Variants in FSIP1 observed in about 807,000 individuals in gnomAD.
The protein encoded by FSIP1 is fibrous sheath interacting protein 1, also known as fibrous sheath-interacting protein 1.
FSIP1 carries 65 observed loss-of-function variants against 60.9 expected under a neutral mutation model. That is an observed-to-expected ratio of 1.07 (90% CI 0.87 to 1.31). The LOEUF (loss-of-function observed/expected upper bound fraction) is 1.31, where lower values mean the gene tolerates loss of function less well. Among genes scored for constraint, FSIP1 ranks in the 40% most tolerant of loss-of-function variants. The pLI, the probability that FSIP1 is intolerant of heterozygous loss-of-function variation, is 0.00. For synonymous variants in FSIP1, 209 were observed against 221.2 expected (o/e 0.94, Z 0.49); for missense variants, 675 against 665.5 (o/e 1.01, Z -0.16).
chr15:39,766,023 A>C (rs1897673402), intron 3 of FSIP1, among the ~76,000 whole-genome samples: 2 of 152,212 alleles, frequency 1.3e-5, no homozygotes, highest in African/African-American at 4.8e-5. Flanking sequence ...TGGACTCAGA[A>C]GTGATCCTCG....
At chr15:39,707,138 T>G (rs940022474) in intron 10 of FSIP1, among the ~76,000 whole-genome samples, 6 of 151,818 alleles carry the variant, frequency 4.0e-5, no homozygotes, top group African/African-American at 1.5e-4. Flanking sequence ...TCACCCAACC[T>G]CTCCTCACCC....
intron 1 of FSIP1, among the ~76,000 whole-genome samples, chr15:39,780,110 T>C (rs2576929): frequency 0.57 from 87,272 of 152,060 alleles, 25,611 homozygotes; most frequent in African/African-American, 0.68. Flanking sequence ...AATAGAGACT[T>C]GCAGGTCTCA....
At chr15:39,631,770 T>C (rs1891899827) in intron 10 of FSIP1, among the ~76,000 whole-genome samples, 1 of 152,242 alleles carries the variant, frequency 6.6e-6, no homozygotes, top group Non-Finnish European at 1.5e-5. Context: ...TATAGAAACC[T>C]ATTCAAGTAC....
chr15:39,666,498 A>AT, intron 10 of FSIP1, among the ~76,000 whole-genome samples: 1 of 152,326 alleles, frequency 6.6e-6, no homozygotes. Flanking sequence ...AATTGTTTAA[A>AT]TTTTTTCATA....
At chr15:39,720,794 G>A (rs186438060) in intron 9 of FSIP1, among the ~76,000 whole-genome samples, 9 of 152,314 alleles carry the variant, frequency 5.9e-5, no homozygotes, top group Admixed American at 5.2e-4. Flanking sequence ...GATTTGTTGA[G>A]GGTTAGGAGA....
chr15:39,632,369 G>C (rs1400083239), intron 10 of FSIP1, among the ~76,000 whole-genome samples: 2 of 152,062 alleles, frequency 1.3e-5, no homozygotes, highest in Non-Finnish European at 2.9e-5. Flanking sequence ...GTAGAGATGA[G>C]GTTTTGCCAT....
chr15:39,634,042 G>A (rs979939770), intron 10 of FSIP1, among the ~76,000 whole-genome samples: 1 of 152,024 alleles, frequency 6.6e-6, no homozygotes, highest in African/African-American at 2.4e-5. Flanking sequence ...GTCACTAAAC[G>A]GACTCCCTGT....
intron 10 of FSIP1, among the ~76,000 whole-genome samples, chr15:39,687,693 C>T (rs904844408): frequency 6.6e-6 from 1 of 152,200 alleles, no homozygotes; most frequent in Non-Finnish European, 1.5e-5. Context: ...TCTGTATGCC[C>T]AAAACCTACC....
At chr15:39,688,983 T>C (rs1236423886) in intron 10 of FSIP1, among the ~76,000 whole-genome samples, 6 of 152,186 alleles carry the variant, frequency 3.9e-5, no homozygotes, top group African/African-American at 1.4e-4. Flanking sequence ...GGATGAGTTA[T>C]TTGACATATG....
chr15:39,732,137 A>G (rs1471741694), intron 8 of FSIP1, among the ~76,000 whole-genome samples: 3 of 152,148 alleles, frequency 2.0e-5, no homozygotes, highest in African/African-American at 7.2e-5. Context: ...ACAGTTCACA[A>G]CAGGGTTCGT....
At chr15:39,771,147 T>A (rs904871762) in intron 2 of FSIP1, among the ~76,000 whole-genome samples, 5 of 152,186 alleles carry the variant, frequency 3.3e-5, no homozygotes, top group Non-Finnish European at 7.3e-5. Context: ...AAAACACCAA[T>A]TGACACAGCT....
At chr15:39,752,753 G>A (rs769033711) in intron 5 of FSIP1, among the ~76,000 whole-genome samples, 5 of 151,916 alleles carry the variant, frequency 3.3e-5, no homozygotes, top group South Asian at 2.1e-4. Flanking sequence ...AACAAAAAAC[G>A]GACATTAAGT....
intron 5 of FSIP1, among the ~76,000 whole-genome samples, chr15:39,751,438 C>T (rs964274172): frequency 6.6e-6 from 1 of 151,500 alleles, no homozygotes; most frequent in Non-Finnish European, 1.5e-5. Context: ...CACACACACA[C>T]ACACACACAC....
chr15:39,727,730 C>A (rs1210399587), intron 8 of FSIP1, among the ~76,000 whole-genome samples: 1 of 152,086 alleles, frequency 6.6e-6, no homozygotes, highest in Non-Finnish European at 1.5e-5. Context: ...TTCCTCAAGA[C>A]AAGGATGCCC....
chr15:39,772,858 T>G (rs1301901746), intron 2 of FSIP1, among the ~76,000 whole-genome samples: 2 of 152,184 alleles, frequency 1.3e-5, no homozygotes, highest in Non-Finnish European at 2.9e-5. Context: ...CCCACAGTGC[T>G]GGGGTTACAG....
intron 2 of FSIP1, among the ~76,000 whole-genome samples, chr15:39,772,305 T>C (rs1897915306): frequency 6.6e-6 from 1 of 152,106 alleles, no homozygotes; most frequent in African/African-American, 2.4e-5. Flanking sequence ...AATATATATA[T>C]ACATTTGGAC....
At chr15:39,752,961 T>C (rs568331570) in intron 5 of FSIP1, among the ~76,000 whole-genome samples, 1 of 152,044 alleles carries the variant, frequency 6.6e-6, no homozygotes, top group Non-Finnish European at 1.5e-5. Context: ...GTTAAAAAGA[T>C]TGAGAAAACA....
At chr15:39,726,443 A>T in intron 9 of FSIP1, 146 bp downstream of exon 9, 1 of 717,934 alleles carries the variant, frequency 1.4e-6, no homozygotes, top group South Asian at 1.9e-5. Flanking sequence ...AAAAGTGAGT[A>T]GAAAGTGGAA....
intron 8 of FSIP1, among the ~76,000 whole-genome samples, chr15:39,735,076 T>G (rs1407372147): frequency 6.6e-6 from 1 of 152,238 alleles, no homozygotes; most frequent in Admixed American, 6.5e-5. Flanking sequence ...GGTAGCAGTT[T>G]ACCCAATTTT....
Sources: gnomAD v4.1 joint callset for allele counts (sites outside exome capture counted in the v4.1 genomes callset) on GRCh38, gnomAD v4.1.1 for gene constraint, MANE v1.5 for transcripts, NCBI Gene and HGNC (gene_info 2026-07-23, HGNC 2026-07-21) for gene names.